Variants in GCFC2 observed in about 807,000 individuals in gnomAD.
GCFC2 encodes GC-rich sequence DNA-binding factor 2, also known as intron Large complex component GCFC2.
Under a neutral mutation model 99.4 loss-of-function variants are expected in GCFC2, and 102 were observed. The observed-to-expected ratio is 1.03, with a 90% CI of 0.87 to 1.21. The LOEUF (loss-of-function observed/expected upper bound fraction) is 1.21, where lower values mean the gene tolerates loss of function less well. Ranked by LOEUF, GCFC2 falls within the 50% of genes most tolerant of loss-of-function variation. The pLI, the probability that GCFC2 is intolerant of heterozygous loss-of-function variation, is 0.00. For synonymous variants in GCFC2, 338 were observed against 316.8 expected, an observed-to-expected ratio of 1.07 and a Z score of -0.71; for missense variants, 973 against 920.9, an observed-to-expected ratio of 1.06 and a Z score of -0.73.
At chr2:75,673,360 T>G (rs1221142520) in intron 13 of GCFC2, 84 bp downstream of exon 13, 2 of 713,102 alleles carry the variant, frequency 2.8e-6, no homozygotes, top group East Asian at 5.0e-5. Context: ...TAAAACACTG[T>G]AGTTTCTTTT....
At position 75,706,127 on chromosome 2, in the gene GCFC2, C is replaced by T. The variant is rs79745531; in HGVS notation, c.394+396G>A. ...TGTTTTCTTTTCCTTAAACTCGCAACCAAATACTTTCAGCCAGAGCTATTT... is the reference window on the plus strand; with the variant it reads ...TGTTTTCTTTTCCTTAAACTCGCAATCAAATACTTTCAGCCAGAGCTATTT... On this transcript the variant is annotated intron_variant, in intron 2 of 16. Transcript: ENST00000321027. Among the ~76,000 whole-genome samples, 325 of 152,294 alleles carry T rather than the reference C, an allele frequency of 2.1e-3. 2 individuals carry two copies. The highest frequency in any genetic ancestry group is 7.5e-3 in the African/African-American group (311 of 41,550).
intron 5 of GCFC2, 156 bp from the exon 6 acceptor site, chr2:75,694,583 C>A (rs534479200): frequency 6.3e-5 from 24 of 378,238 alleles, no homozygotes; most frequent in African/African-American, 5.0e-4. Context: ...AAAAGGAAAC[C>A]CTTTAGCACT....
At chr2:75,683,302 A>G (rs1445681408) in intron 11 of GCFC2, among the ~76,000 whole-genome samples, 1 of 152,040 alleles carries the variant, frequency 6.6e-6, no homozygotes, top group East Asian at 1.9e-4. Context: ...ACATTCTTAA[A>G]GAAATGAATT....
chr2:75,677,792 T>C (rs1679412466), intron 12 of GCFC2, among the ~76,000 whole-genome samples: 2 of 152,058 alleles, frequency 1.3e-5, no homozygotes, highest in South Asian at 2.1e-4. Context: ...TCCTGGCTAA[T>C]ACAGTGAAAC....
intron 13 of GCFC2, among the ~76,000 whole-genome samples, 172 bp downstream of exon 13, chr2:75,673,272 C>G (rs1002979084): frequency 2.6e-5 from 4 of 151,472 alleles, no homozygotes; most frequent in Non-Finnish European, 5.9e-5. Context: ...CGCGCCACTG[C>G]ACTCCAGCCT....
Position 75,701,291 on chromosome 2 carries a change from G to C in GCFC2, c.620-4C>G. 1 of 1,569,784 alleles carries C rather than the reference G, an allele frequency of 6.4e-7. No homozygotes were observed. The highest frequency in any genetic ancestry group is 8.8e-7 in the Non-Finnish European group (1 of 1,141,498). On this transcript the variant is annotated splice_polypyrimidine_tract_variant and splice_region_variant and intron_variant, in intron 3 of 16. Transcript: ENST00000321027. ...CTTGTTTCTTCATTTCTGCTTACTA[G>C]CGGAAAAAAAGCTCACATGTAAACG...
intron 4 of GCFC2, among the ~76,000 whole-genome samples, chr2:75,699,911 T>G (rs1417754041): frequency 6.6e-6 from 1 of 151,394 alleles, no homozygotes; most frequent in Non-Finnish European, 1.5e-5. Context: ...TTTTTTTTTT[T>G]CTTAAATGAG....
At chr2:75,697,927 C>G (rs1400326811) in intron 4 of GCFC2, 1 of 152,218 alleles carries the variant, frequency 6.6e-6, no homozygotes, top group Non-Finnish European at 1.5e-5. Flanking sequence ...AGGGGGGTTG[C>G]TCTACTGACA....
chr2:75,710,813 C>A lies in GCFC2; in HGVS notation c.43G>T (p.Asp15Tyr). 6.3e-7 allele frequency: 1 copy of A among 1,577,746 alleles called. No individual in the cohort carries two copies. The change falls in exon 1 of 17, where the codon GAT becomes TAT. Residue 15 changes from aspartate to tyrosine, a missense_variant. By Grantham distance (160) the Asp-to-Tyr change is radical (BLOSUM62 -3). Coordinates refer to ENST00000321027, the MANE Select transcript of GCFC2 (RefSeq NM_003203.5). ...TCGGCGCCATCGCTGTCGCTGGAAT[C>A]AGCCGCGCGCTGCCGAAAAGTCCTT... ...PKRTFRQRAA[D>Y]SSDSDGAEES...
rs764926035 is a variant in GCFC2 at position 75,687,869 on chromosome 2, A to G, written c.1648T>C (p.Leu550=). The G allele has an allele frequency of 3.7e-6, 6 of 1,606,450 alleles. No individual in the cohort carries two copies. The highest frequency in any genetic ancestry group is 2.2e-5 in the East Asian group (1 of 44,770). The change falls in exon 11 of 17, where the codon TTG becomes CTG. Residue 550 remains leucine (L), a synonymous_variant. Coordinates refer to ENST00000321027, the MANE Select transcript of GCFC2 (RefSeq NM_003203.5). ...KKESSSDKKV[L]SAIINKTIIP... is the part of the protein sequence containing the mutation. ...ATTGTTTTGTTGATGATTGCAGACA[A>G]GACTTTTTTATCTGAACTACTTTCC...
rs773553740 is a variant in GCFC2, at chr2:75,687,845, T to A, written c.1672A>T (p.Ile558Phe). Residue 558 changes from isoleucine to phenylalanine, a missense_variant, in exon 11 of 17, where the codon ATT becomes TTT. Transcript: ENST00000321027. The stretch of plus-strand genomic sequence containing the variant: ...GCAGTACCTGTAAGTCGGGGAATAA[T>A]TGTTTTGTTGATGATTGCAGACAAG... ...KVLSAIINKT[I>F]IPRLTDFVEF... 3.7e-6 allele frequency: 6 copies of A among 1,605,366 alleles called. No homozygotes were observed. The African/African-American group carries it at 8.1e-5, about 22-fold the overall frequency.
intron 1 of GCFC2, among the ~76,000 whole-genome samples, chr2:75,707,923 A>T (rs1444232570): frequency 6.6e-6 from 1 of 152,184 alleles, no homozygotes; most frequent in Non-Finnish European, 1.5e-5. Flanking sequence ...TAATTAAAAA[A>T]TTGTTATTTT....
intron 8 of GCFC2, 104 bp from the exon 9 acceptor site, chr2:75,690,185 T>G (rs1680001773): frequency 5.9e-6 from 4 of 682,054 alleles, no homozygotes; most frequent in Non-Finnish European, 1.0e-5. Context: ...AGTAATTTTA[T>G]CATTTATTTT....
In GCFC2 at chr2:75,710,623, G is replaced by A; in HGVS notation, c.233C>T (p.Thr78Ile). The A allele has an allele frequency of 6.6e-7, 1 of 1,515,468 alleles. No individual in the cohort carries two copies. The highest frequency in any genetic ancestry group is 8.8e-7 in the Non-Finnish European group (1 of 1,138,746). 93.9% of individuals were successfully genotyped at this position (1,515,468 alleles called of 1,614,324 possible). The change falls in exon 1 of 17, where the codon ACC (threonine) becomes ATC (isoleucine). Residue 78 changes from threonine (T) to isoleucine (I), a missense_variant. Coordinates refer to ENST00000321027, the MANE Select transcript of GCFC2 (RefSeq NM_003203.5). ...TTCGTCCGCGCGGGGAGCCGCTTTGGTGGCACGCCGGGAGCTCGCCCAGAC... is the reference window on the plus strand; with the variant it reads ...TTCGTCCGCGCGGGGAGCCGCTTTGATGGCACGCCGGGAGCTCGCCCAGAC... ...GRVWASSRRA[T>I]KAAPRADEGS... is the part of the protein sequence containing the mutation.
At chr2:75,679,277 T>C (rs1278335948) in intron 12 of GCFC2, among the ~76,000 whole-genome samples, 2 of 152,308 alleles carry the variant, frequency 1.3e-5, no homozygotes, top group African/African-American at 4.8e-5. Context: ...ATGGTGCTCA[T>C]AATATGAATA....
At chr2:75,682,534 C>T (rs1325892346) in intron 11 of GCFC2, among the ~76,000 whole-genome samples, 2 of 151,570 alleles carry the variant, frequency 1.3e-5, no homozygotes, top group East Asian at 1.9e-4. Context: ...CCAGAATGCC[C>T]GTTCTTCAAA....
In GCFC2 at chr2:75,673,473, ATCT is replaced by A. The variant is rs773558818; in HGVS notation, c.1857_1859del (p.Glu619del). 7 of 1,439,382 alleles carry A rather than the reference ATCT, an allele frequency of 4.9e-6. No homozygotes were observed. Among genetic ancestry groups the A allele is most frequent in the South Asian group, 2.3e-5 (2 of 87,322 alleles). 89.2% of individuals were successfully genotyped at this position (1,439,382 alleles called of 1,614,324 possible). ...TTGGATACAGAGGAATAAAAACATC[ATCT>A]TCTACTGCCTTTTTCATTCTTGAAA... On this transcript the variant is annotated inframe_deletion, in exon 13 of 17. Transcript: ENST00000321027.
chr2:75,700,446 A>T (rs1573086651), intron 4 of GCFC2, among the ~76,000 whole-genome samples: 1 of 152,176 alleles, frequency 6.6e-6, no homozygotes, highest in South Asian at 2.1e-4. Context: ...CTAGATTGCT[A>T]TGAAATCATT....
intron 11 of GCFC2, among the ~76,000 whole-genome samples, chr2:75,687,278 G>A (rs1558740711): frequency 6.6e-6 from 1 of 152,036 alleles, no homozygotes; most frequent in Non-Finnish European, 1.5e-5. Flanking sequence ...CACAATTAGA[G>A]AAGTTAAGGG....
Sources: gnomAD v4.1 joint callset for allele counts (sites outside exome capture counted in the v4.1 genomes callset) on GRCh38, gnomAD v4.1.1 for gene constraint, MANE v1.5 for transcripts, NCBI Gene and HGNC (gene_info 2026-07-23, HGNC 2026-07-21) for gene names.